The following TRPV3 variants were observed in gnomAD, a reference collection of about 807,000 sequenced individuals.
The protein encoded by TRPV3 is VRL-3.
Under a neutral mutation model 87.1 loss-of-function variants are expected in TRPV3, and 88 were observed. The ratio of observed to expected loss-of-function variants is 1.01; its 90% CI spans 0.85 to 1.21. The LOEUF is 1.21. Ranked by LOEUF, TRPV3 falls within the 50% of genes most tolerant of loss-of-function variation. TRPV3 has a pLI of 0.00. For missense variants in TRPV3, 1,054 were observed against 1,030.1 expected (o/e 1.02, Z -0.32); for synonymous variants, 438 against 423.3 (o/e 1.03, Z -0.43).
intron 12 of TRPV3, among the ~76,000 whole-genome samples, chr17:3,525,271 C>T (rs1042128979): frequency 5.3e-5 from 8 of 152,204 alleles, no homozygotes; most frequent in Non-Finnish European, 8.8e-5. Flanking sequence ...CCACCCACCT[C>T]GGCCTCCCAA....
In TRPV3 at chr17:3,543,052, T is replaced by C. The variant is rs548108939; in HGVS notation, c.467-354A>G. 3.3e-5 allele frequency among the ~76,000 whole-genome samples: 5 copies of C among 151,996 alleles called. No homozygotes were observed. The East Asian group carries it at 9.7e-4, about 29-fold the overall frequency. ...CATGGCCTCCCCATCAACCTGATAC[T>C]GCACTGGTCCCCGAGACACCCAGGG... On this transcript the variant is annotated intron_variant, in intron 5 of 17. Coordinates refer to ENST00000576742, the MANE Select transcript of TRPV3 (RefSeq NM_145068.4).
In TRPV3 at chr17:3,521,055, C is replaced by T. The variant is rs370709564; in HGVS notation, c.1744-16G>A. ...GCAAAATGACCTATAAGGAAATAAA[C>T]ATAATTCAAGTGTAAGGTGCAAGCA... On this transcript the variant is annotated splice_polypyrimidine_tract_variant and intron_variant, in intron 13 of 17. Transcript: ENST00000576742. 21 of 1,582,838 alleles carry T rather than the reference C, an allele frequency of 1.3e-5. No homozygotes were observed. In the East Asian group the frequency reaches 4.5e-4, roughly 34 times the overall value.
Position 3,535,585 on chromosome 17 carries a change from C to T in TRPV3, c.772G>A (p.Gly258Ser). ...GGGCGGCACCCACCGAAGTAGAAGCCTTCGTGTTGGTACTTGGGGTTGAAG... is the reference window on the plus strand; with the variant it reads ...GGGCGGCACCCACCGAAGTAGAAGCTTTCGTGTTGGTACTTGGGGTTGAAG... ...AFFNPKYQHE[G>S]FYFGETPLAL... is the part of the protein sequence containing the mutation. Residue 258 changes from glycine to serine, a missense_variant, in exon 7 of 18, where the codon GGC (glycine) becomes AGC (serine). Transcript: ENST00000576742. 1 of 1,604,796 alleles carries T rather than the reference C, an allele frequency of 6.2e-7. No homozygotes were observed. The highest frequency in any genetic ancestry group is 8.5e-7 in the Non-Finnish European group (1 of 1,176,740).
In TRPV3 at chr17:3,556,878, C is replaced by T. The variant is rs559343150; in HGVS notation, c.-3+798G>A. Among the ~76,000 whole-genome samples the T allele has an allele frequency of 2.0e-5, 3 of 152,218 alleles. No individual in the cohort carries two copies. Among genetic ancestry groups the T allele is most frequent in the South Asian group, 2.1e-4 (1 of 4,822 alleles). On this transcript the variant is annotated intron_variant, in intron 1 of 17. Transcript: ENST00000576742. The surrounding 1 kb of genome is among the most constrained non-coding windows in gnomAD (Gnocchi z 4.2). Reference sequence around the variant, plus strand: ...GGTGGACTAAAAGGCTGGGATGCACCGAGCGTGAAGGAGACAGAAGAAGGG... The same window carrying T: ...GGTGGACTAAAAGGCTGGGATGCACTGAGCGTGAAGGAGACAGAAGAAGGG...
At chr17:3,545,583 A>G (rs1328021175) in intron 2 of TRPV3, among the ~76,000 whole-genome samples, 1 of 152,102 alleles carries the variant, frequency 6.6e-6, no homozygotes, top group Non-Finnish European at 1.5e-5. Context: ...GAAGACACAC[A>G]AGCCCCAGTA....
chr17:3,535,475 C>A, intron 7 of TRPV3, 98 bp downstream of exon 7: 2 of 1,288,530 alleles, frequency 1.6e-6, no homozygotes, highest in Non-Finnish European at 2.0e-6. Flanking sequence ...CTTTCTTCCC[C>A]CCTCCTCCCT....
intron 2 of TRPV3, among the ~76,000 whole-genome samples, chr17:3,549,316 C>T (rs2074551982): frequency 6.6e-6 from 1 of 152,176 alleles, no homozygotes; most frequent in Non-Finnish European, 1.5e-5. Flanking sequence ...CAGTAGTGAA[C>T]AAGTGGACAA....
Position 3,530,971 on chromosome 17 carries a change from G to A in TRPV3, c.1066-768C>T, listed in dbSNP as rs1429360927. On this transcript the variant is annotated intron_variant, in intron 8 of 17. Coordinates refer to ENST00000576742, the MANE Select transcript of TRPV3 (RefSeq NM_145068.4). The surrounding 1 kb of genome is among the most constrained non-coding windows in gnomAD (Gnocchi z 4.0). Reference sequence around the variant, plus strand: ...CTCAGGAGGCTGAGGCAGGAGAGTCGCTTGAACCTGGGAGGTGGAGGTTGC... The same window carrying A: ...CTCAGGAGGCTGAGGCAGGAGAGTCACTTGAACCTGGGAGGTGGAGGTTGC... Among the ~76,000 whole-genome samples the A allele has an allele frequency of 3.3e-5, 5 of 151,858 alleles. No homozygotes were observed. The highest frequency in any genetic ancestry group is 2.1e-4 in the South Asian group (1 of 4,810).
At chr17:3,545,614 C>T (rs1459145187) in intron 2 of TRPV3, among the ~76,000 whole-genome samples, 1 of 152,010 alleles carries the variant, frequency 6.6e-6, no homozygotes, top group East Asian at 1.9e-4. Flanking sequence ...CCCACACTTC[C>T]TCCTCTGAAC....
Position 3,526,838 on chromosome 17 carries a change from G to C in TRPV3, c.1577+16C>G. 5 of 1,605,484 alleles carry C rather than the reference G, an allele frequency of 3.1e-6. No homozygotes were observed. Among genetic ancestry groups the C allele is most frequent in the Non-Finnish European group, 3.4e-6 (4 of 1,175,688 alleles). On this transcript the variant is annotated intron_variant, in intron 12 of 17. Transcript: ENST00000576742. ...CCTGCCTGTGAGGCGATAACCAAGGGGCCAGACCTACTTACAAGACAAAGT... is the reference window on the plus strand; with the variant it reads ...CCTGCCTGTGAGGCGATAACCAAGGCGCCAGACCTACTTACAAGACAAAGT...
intron 12 of TRPV3, 124 bp from the exon 13 acceptor site, chr17:3,524,487 G>C: frequency 8.1e-7 from 1 of 1,231,508 alleles, no homozygotes; most frequent in Non-Finnish European, 1.1e-6. Context: ...ATGCTGAAGA[G>C]ACCAGAATCA....
rs2074643078 is a variant in TRPV3, at chr17:3,557,412, C to T, written c.-3+264G>A. The stretch of plus-strand genomic sequence containing the variant: ...GCAGTGGTGAGATTGAGATGTCCCT[C>T]CCCAGGATTCCCAAACCTCAGGGGA... On this transcript the variant is annotated intron_variant, in intron 1 of 17. Coordinates refer to ENST00000576742, the MANE Select transcript of TRPV3 (RefSeq NM_145068.4). The surrounding 1 kb of genome is among the most constrained non-coding windows in gnomAD (Gnocchi z 4.5). Among the ~76,000 whole-genome samples the T allele has an allele frequency of 6.6e-6, 1 of 152,192 alleles. No homozygotes were observed. The highest frequency in any genetic ancestry group is 1.5e-5 in the Non-Finnish European group (1 of 68,028).
chr17:3,512,622 A>T lies in TRPV3; in HGVS notation c.*1295T>A, dbSNP rs2074128104. 6.6e-6 allele frequency: 1 copy of T among 151,910 alleles called. No homozygotes were observed. Among genetic ancestry groups the T allele is most frequent in the African/African-American group, 2.4e-5 (1 of 41,358 alleles). The allele number at this position is 151,910 out of a possible 1,614,324, so 9.4% of individuals were successfully genotyped here. A position where few individuals can be genotyped will look rare whatever the true frequency, so the allele number is the denominator to read the frequency against. On this transcript the variant is annotated 3_prime_UTR_variant, in exon 18 of 18. Transcript: ENST00000576742. ...TCACCAGATAACGGCGGCAGAGTGGATTTTCTGGTGGTTTCGGCCCCAGTC... is the reference window on the plus strand; with the variant it reads ...TCACCAGATAACGGCGGCAGAGTGGTTTTTCTGGTGGTTTCGGCCCCAGTC...
chr17:3,525,105 C>T (rs756004527), intron 12 of TRPV3, among the ~76,000 whole-genome samples: 73 of 152,260 alleles, frequency 4.8e-4, no homozygotes, highest in East Asian at 1.7e-3. Context: ...CTGCAACCTC[C>T]GCCTCCCAGG....
In TRPV3 at chr17:3,518,657, G is replaced by A. The variant is rs185216052; in HGVS notation, c.2004C>T (p.Leu668=). 6 of 1,601,486 alleles carry A rather than the reference G, an allele frequency of 3.7e-6. No individual in the cohort carries two copies. In the Admixed American group the frequency reaches 1.0e-4, roughly 28 times the overall value. Residue 668 remains leucine (L), a synonymous_variant, in exon 15 of 18, where the codon CTC becomes CTT. Coordinates refer to ENST00000576742, the MANE Select transcript of TRPV3 (RefSeq NM_145068.4). This position sits in a 1 kb window ranked among gnomAD's most constrained non-coding sequence, Gnocchi z 4.3. ...TCAGAGCAATGAGCATGTTGAGGAG[G>A]AGAACAAAGGTGAGGATGACATAGG... The part of the protein sequence containing the change: ...LITYVILTFV[L]LLNMLIALMG...
At chr17:3,527,949 G>A (rs2074314358) in intron 11 of TRPV3, 76 bp downstream of exon 11, 2 of 1,143,298 alleles carry the variant, frequency 1.7e-6, no homozygotes, top group Admixed American at 1.7e-5. Context: ...AGCAGTAATG[G>A]CAGAGCAGAG....
intron 17 of TRPV3, 193 bp downstream of exon 17, chr17:3,514,400 T>G: frequency 3.3e-6 from 2 of 598,590 alleles, no homozygotes; most frequent in South Asian, 4.0e-5. Context: ...TTTCTATGGC[T>G]TAGGGCTACG....
Position 3,511,833 on chromosome 17 carries a change from C to T in TRPV3, c.*2084G>A, listed in dbSNP as rs2074117601. 6.6e-6 allele frequency: 1 copy of T among 152,188 alleles called. No homozygotes were observed. The allele number at this position is 152,188 out of a possible 1,614,324, so 9.4% of individuals were successfully genotyped here. ...TATCCATAACAGATACGGCTTTATCCATTAATGGATATGACTTTCTCCATT... is the reference window on the plus strand; with the variant it reads ...TATCCATAACAGATACGGCTTTATCTATTAATGGATATGACTTTCTCCATT... On this transcript the variant is annotated 3_prime_UTR_variant, in exon 18 of 18. Transcript: ENST00000576742.
intron 7 of TRPV3, among the ~76,000 whole-genome samples, chr17:3,535,336 T>C (rs1215143727): frequency 2.6e-5 from 2 of 78,168 alleles, no homozygotes; most frequent in Non-Finnish European, 5.5e-5. Flanking sequence ...CCTTCCTTCC[T>C]CTCCCTCCTC....
Sources: allele counts gnomAD v4.1 joint callset (sites outside exome capture counted in the v4.1 genomes callset), GRCh38; gene constraint gnomAD v4.1.1; non-coding constraint Gnocchi (gnomAD v3.1); transcripts MANE v1.5; gene names NCBI Gene and HGNC (gene_info 2026-07-23, HGNC 2026-07-21).